RPS6KC1: variants seen among roughly 807,000 people sequenced by gnomAD.
RPS6KC1 encodes the protein ribosomal protein S6 kinase C1.
Under a neutral mutation model 103.8 loss-of-function variants are expected in RPS6KC1, and 54 were observed. The observed-to-expected ratio is 0.52, with a 90% CI of 0.42 to 0.65. The LOEUF (loss-of-function observed/expected upper bound fraction) is 0.65. RPS6KC1 is among the 30% of genes least tolerant of loss of function. The pLI is 0.00. For missense variants in RPS6KC1, 1,151 were observed against 1,253.8 expected (o/e 0.92, Z 1.24); for synonymous variants, 439 against 438.7 (o/e 1.00, Z -0.01).
chr1:213,401,270 A>G, the RPS6KC1 span, among the ~76,000 whole-genome samples: 2 of 152,214 alleles, frequency 1.3e-5, no homozygotes, highest in African/African-American at 4.8e-5. Flanking sequence ...CAAGGAAGGC[A>G]TCAGACCTGT....
At chr1:213,143,061 G>T (rs2087269268) in intron 6 of RPS6KC1, among the ~76,000 whole-genome samples, 1 of 152,018 alleles carries the variant, frequency 6.6e-6, no homozygotes, top group Admixed American at 6.6e-5. Context: ...TACTACCGTT[G>T]TGTAGTTTAT....
the RPS6KC1 span, among the ~76,000 whole-genome samples, chr1:213,817,205 T>C: frequency 1.3e-5 from 2 of 152,086 alleles, no homozygotes; most frequent in Non-Finnish European, 2.9e-5. Context: ...CCCTCCAGCT[T>C]AGTCTTCCAA....
the RPS6KC1 span, among the ~76,000 whole-genome samples, chr1:213,723,024 C>T: frequency 2.8e-4 from 42 of 152,144 alleles, no homozygotes; most frequent in African/African-American, 8.9e-4. Context: ...ACTAAAAATA[C>T]AAAAAATTAG....
At chr1:213,509,222 A>G in the RPS6KC1 span, among the ~76,000 whole-genome samples, 1 of 152,172 alleles carries the variant, frequency 6.6e-6, no homozygotes, top group African/African-American at 2.4e-5. Context: ...ATGGCTAAAG[A>G]CCAAATCTGG....
At chr1:213,084,660 A>G (rs947267237) in intron 3 of RPS6KC1, among the ~76,000 whole-genome samples, 2 of 152,234 alleles carry the variant, frequency 1.3e-5, no homozygotes, top group Non-Finnish European at 2.9e-5. Context: ...TCTCTGGGAT[A>G]GGATCCATTC....
chr1:213,824,157 C>T, the RPS6KC1 span, among the ~76,000 whole-genome samples: 44 of 152,172 alleles, frequency 2.9e-4, no homozygotes, highest in African/African-American at 1.1e-3. Flanking sequence ...ACCCTAGGTC[C>T]CCATATCCAC....
the RPS6KC1 span, among the ~76,000 whole-genome samples, chr1:213,733,544 G>GTTTTTTT: frequency 2.7e-4 from 27 of 100,216 alleles, no homozygotes; most frequent in African/African-American, 1.0e-3. Context: ...GCTATTTTTA[G>GTTTTTTT]TTTGTTTTTT....
intron 10 of RPS6KC1, 114 bp downstream of exon 10, chr1:213,232,369 A>G: frequency 2.2e-6 from 3 of 1,335,810 alleles, no homozygotes; most frequent in South Asian, 2.5e-5. Context: ...TTAAGAAACC[A>G]TTTCCTATTC....
chr1:213,423,015 G>T, the RPS6KC1 span, among the ~76,000 whole-genome samples: 1 of 152,188 alleles, frequency 6.6e-6, no homozygotes, highest in Non-Finnish European at 1.5e-5. Context: ...CACTAGCAAG[G>T]CATCCCTGTG....
intron 14 of RPS6KC1, 38 bp from the exon 15 acceptor site, chr1:213,272,486 T>C: frequency 6.7e-7 from 1 of 1,486,180 alleles, no homozygotes; most frequent in South Asian, 1.1e-5. Context: ...GATTTGCCAG[T>C]TGGATTCCTG....
chr1:213,548,528 A>G, the RPS6KC1 span, among the ~76,000 whole-genome samples: 3,365 of 152,176 alleles, frequency 0.022, 49 homozygotes, highest in Middle Eastern at 0.037. Context: ...GGGCTTGGTG[A>G]CGCACACCTG....
chr1:213,164,480 A>G (rs2090771860), intron 6 of RPS6KC1, among the ~76,000 whole-genome samples: 1 of 152,266 alleles, frequency 6.6e-6, no homozygotes, highest in Non-Finnish European at 1.5e-5. Flanking sequence ...GTCACAATCC[A>G]CATTAAGACA....
At chr1:213,341,941 G>T in the RPS6KC1 span, among the ~76,000 whole-genome samples, 1 of 152,186 alleles carries the variant, frequency 6.6e-6, no homozygotes, top group Non-Finnish European at 1.5e-5. Context: ...AGAGTGCTTA[G>T]CTCATTGCTA....
At chr1:213,255,078 A>T (rs1452464877) in intron 12 of RPS6KC1, among the ~76,000 whole-genome samples, 1 of 152,126 alleles carries the variant, frequency 6.6e-6, no homozygotes, top group Non-Finnish European at 1.5e-5. Context: ...AGGCAGGAGA[A>T]TTACTTGAGC....
intron 8 of RPS6KC1, among the ~76,000 whole-genome samples, chr1:213,226,446 A>G (rs2093965289): frequency 6.6e-6 from 1 of 152,218 alleles, no homozygotes; most frequent in Non-Finnish European, 1.5e-5. Context: ...GTTCATTGTA[A>G]CTCAAAGGGC....
chr1:213,173,283 T>C (rs1233776671), intron 7 of RPS6KC1, among the ~76,000 whole-genome samples: 2 of 152,214 alleles, frequency 1.3e-5, no homozygotes, highest in Non-Finnish European at 2.9e-5. Context: ...TCTCAAACTT[T>C]TATAGATGGT....
chr1:213,499,971 T>C, the RPS6KC1 span, among the ~76,000 whole-genome samples: 1 of 152,286 alleles, frequency 6.6e-6, no homozygotes, highest in African/African-American at 2.4e-5. Context: ...AGTGAGTAAA[T>C]GTTGAGTGAA....
chr1:213,418,433 C>T, the RPS6KC1 span, among the ~76,000 whole-genome samples: 7 of 152,178 alleles, frequency 4.6e-5, no homozygotes, highest in Admixed American at 3.9e-4. Flanking sequence ...CAAGGAGAGG[C>T]GTCTGGGTGC....
the RPS6KC1 span, among the ~76,000 whole-genome samples, chr1:213,620,936 T>G: frequency 2.0e-5 from 3 of 152,226 alleles, no homozygotes; most frequent in African/African-American, 7.2e-5. Context: ...TCCCATTGGC[T>G]AACTCATTGT....
Sources: gnomAD v4.1 joint callset for allele counts (sites outside exome capture counted in the v4.1 genomes callset) on GRCh38, gnomAD v4.1.1 for gene constraint, MANE v1.5 for transcripts, NCBI Gene and HGNC (gene_info 2026-07-23, HGNC 2026-07-21) for gene names.